The following PADI2 variants were observed in gnomAD, a reference collection of about 807,000 sequenced individuals.
PADI2 encodes protein-arginine deiminase type-2.
In PADI2, 70 loss-of-function variants were observed where a neutral mutation model predicts 81.1. The ratio of observed to expected loss-of-function variants is 0.86; its 90% confidence interval spans 0.71 to 1.05. The LOEUF is 1.05. Among genes scored for constraint, PADI2 ranks in the 50% least tolerant of loss-of-function variants. The probability of loss-of-function intolerance (pLI) is 0.00; values close to 1 mark genes in which losing one functional copy is unlikely to be tolerated. For synonymous variants in PADI2, 338 were observed against 358.0 expected (o/e 0.94, Z 0.63); for missense variants, 853 against 889.9 (o/e 0.96, Z 0.53).
intron 8 of PADI2, 110 bp downstream of exon 8, chr1:17,084,489 C>T: frequency 3.2e-6 from 2 of 631,488 alleles, no homozygotes; most frequent in Non-Finnish European, 5.6e-6. Flanking sequence ...GAGAGTTGCT[C>T]AAGGTAACAC....
At chr1:17,093,372 G>A (rs1389647307) in intron 5 of PADI2, among the ~76,000 whole-genome samples, 195 bp downstream of exon 5, 2 of 152,170 alleles carry the variant, frequency 1.3e-5, no homozygotes, top group Non-Finnish European at 2.9e-5. Flanking sequence ...AGGATTACAG[G>A]TGTGAGCCAC....
At chr1:17,078,390 C>A (rs1002920639) in intron 11 of PADI2, among the ~76,000 whole-genome samples, 5 of 151,922 alleles carry the variant, frequency 3.3e-5, no homozygotes, top group African/African-American at 1.2e-4. Context: ...GGATTACAGG[C>A]GTGAGCCACC....
intron 3 of PADI2, among the ~76,000 whole-genome samples, chr1:17,098,151 C>T (rs1425624174): frequency 1.3e-5 from 2 of 152,186 alleles, no homozygotes; most frequent in East Asian, 1.9e-4. Context: ...CTCCGGCTGC[C>T]TGCTCTCTGC....
intron 11 of PADI2, among the ~76,000 whole-genome samples, chr1:17,077,112 A>T (rs2078309605): frequency 6.6e-6 from 1 of 151,854 alleles, no homozygotes; most frequent in Non-Finnish European, 1.5e-5. Context: ...CGCTTCCTTT[A>T]CAATCTCCTG....
At chr1:17,072,519 G>A (rs1328716130) in intron 13 of PADI2, among the ~76,000 whole-genome samples, 2 of 152,276 alleles carry the variant, frequency 1.3e-5, no homozygotes, top group East Asian at 3.9e-4. Context: ...CTGGTCCAGC[G>A]GAGATCTTGG....
chr1:17,118,169 G>T (rs1259690868), intron 1 of PADI2, among the ~76,000 whole-genome samples: 3 of 152,130 alleles, frequency 2.0e-5, no homozygotes, highest in Middle Eastern at 3.2e-3. Flanking sequence ...GAGGCAGGGT[G>T]CTCCAGGTGT....
chr1:17,104,868 G>A lies in PADI2; in HGVS notation c.276+10C>T, dbSNP rs201023880. ...CGGGCCCGCAGAGGCTGGACTTCCC[G>A]CCGTGGTACCTTGTCACTGCTGGCC... is the stretch of plus-strand genomic sequence containing the variant. On this transcript the variant is annotated intron_variant, in intron 2 of 15. Coordinates refer to ENST00000375486, the MANE Select transcript of PADI2 (RefSeq NM_007365.3). 4.8e-5 allele frequency: 75 copies of A among 1,556,292 alleles called. No individual in the cohort carries two copies. The highest frequency in any genetic ancestry group is 2.5e-4 in the East Asian group (11 of 43,478).
chr1:17,097,351 A>G (rs1373960582), intron 3 of PADI2, among the ~76,000 whole-genome samples: 2 of 152,192 alleles, frequency 1.3e-5, no homozygotes, highest in Admixed American at 1.3e-4. Flanking sequence ...CCCTTTGCCT[A>G]TAGCCTGCAT....
At chr1:17,076,300 T>C (rs7530720) in intron 11 of PADI2, among the ~76,000 whole-genome samples, 90,879 of 151,522 alleles carry the variant, frequency 0.6, 27,654 homozygotes, top group Middle Eastern at 0.7. Context: ...CTGCAACCTC[T>C]GCCTCCCGGG....
At chr1:17,086,400 C>T (rs1930427009) in intron 7 of PADI2, 121 bp downstream of exon 7, 2 of 801,922 alleles carry the variant, frequency 2.5e-6, no homozygotes, top group Admixed American at 2.9e-5. Flanking sequence ...GTCTCCTAGC[C>T]TGGACCCACC....
chr1:17,119,339 G>C lies in PADI2; in HGVS notation c.33C>G (p.Tyr11Ter), dbSNP rs1569611471. 3 of 1,552,658 alleles carry C rather than the reference G, an allele frequency of 1.9e-6. No individual in the cohort carries two copies. Among genetic ancestry groups the C allele is most frequent in the Non-Finnish European group, 2.6e-6 (3 of 1,149,574 alleles). Residue 11 changes from tyrosine to a stop codon, truncating the protein, a stop_gained, in exon 1 of 16, where the codon TAC (tyrosine) becomes TAG (stop). Coordinates refer to ENST00000375486, the MANE Select transcript of PADI2 (RefSeq NM_007365.3). LOFTEE classifies it high-confidence loss of function. This position sits in a 1 kb window ranked among gnomAD's most constrained non-coding sequence, Gnocchi z 4.8. Reference protein sequence around the residue: MLRERTVRLQYGSRVEAVYVL... With the variant: MLRERTVRLQ The stretch of plus-strand genomic sequence containing the variant: ...CGTACACCGCCTCCACGCGGCTCCC[G>C]TACTGCAGCCGCACGGTCCGCTCGC...
chr1:17,099,826 A>T (rs1931077637), intron 3 of PADI2, among the ~76,000 whole-genome samples: 2 of 151,530 alleles, frequency 1.3e-5, no homozygotes, highest in African/African-American at 2.4e-5. Flanking sequence ...TGCTCTGTGA[A>T]GCGCATTTTA....
chr1:17,069,949 C>A, intron 15 of PADI2, 139 bp downstream of exon 15: 1 of 928,128 alleles, frequency 1.1e-6, no homozygotes, highest in Non-Finnish European at 1.6e-6. Flanking sequence ...AGGGCAAGTG[C>A]CTGAGGTGAG....
chr1:17,082,871 C>T (rs993271134), intron 9 of PADI2: 7 of 461,396 alleles, frequency 1.5e-5, no homozygotes, highest in African/African-American at 1.3e-4. Context: ...CCGATATCAG[C>T]CCCATTTTTT....
chr1:17,069,196 T>G lies in PADI2; in HGVS notation c.1846A>C (p.Met616Leu). Reference sequence around the variant, plus strand: ...GGCTCCAGGAGGCCACGCACGTGCATCTCCAGGCAGCATTCCTCCTCAACC... The same window carrying G: ...GGCTCCAGGAGGCCACGCACGTGCAGCTCCAGGCAGCATTCCTCCTCAACC... ...PQVEEECCLEMHVRGLLEPLG... is the reference protein window; with the variant it reads ...PQVEEECCLELHVRGLLEPLG... Residue 616 changes from methionine to leucine, a missense_variant, in exon 16 of 16, where the codon ATG becomes CTG. Met to Leu is a conservative substitution (Grantham distance 15). Coordinates refer to ENST00000375486, the MANE Select transcript of PADI2 (RefSeq NM_007365.3). 6.2e-7 allele frequency: 1 copy of G among 1,614,210 alleles called. No homozygotes were observed. Among genetic ancestry groups the G allele is most frequent in the Non-Finnish European group, 8.5e-7 (1 of 1,180,034 alleles).
intron 7 of PADI2, 30 bp downstream of exon 7, chr1:17,086,491 C>A (rs754933233): frequency 1.3e-6 from 2 of 1,589,258 alleles, no homozygotes; most frequent in Non-Finnish European, 1.7e-6. Context: ...CTGGGGTTAG[C>A]CCCCTGTGGT....
intron 2 of PADI2, 146 bp downstream of exon 2, chr1:17,104,732 C>G (rs1931295703): frequency 1.6e-6 from 1 of 641,582 alleles, no homozygotes; most frequent in South Asian, 3.7e-5. Flanking sequence ...TGCGCCCGGC[C>G]TCTTTTTGCC....
chr1:17,082,552 T>C lies in PADI2; in HGVS notation c.1151A>G (p.Glu384Gly). 2.5e-6 allele frequency: 4 copies of C among 1,603,298 alleles called. No homozygotes were observed. The highest frequency in any genetic ancestry group is 3.4e-6 in the Non-Finnish European group (4 of 1,170,382). Residue 384 changes from glutamate to glycine, a missense_variant, in exon 10 of 16, where the codon GAG becomes GGG. Coordinates refer to ENST00000375486, the MANE Select transcript of PADI2 (RefSeq NM_007365.3). ...DGNLKDFPVK[E>G]LLGPDFGYVT... ...TGGCCCTCAGCATCTTACCAGGAGC[T>C]CCTTCACAGGGAAGTCCTTTAGGTT...
At chr1:17,079,156 A>T in intron 11 of PADI2, 108 bp downstream of exon 11, 1 of 905,370 alleles carries the variant, frequency 1.1e-6, no homozygotes, top group Non-Finnish European at 1.7e-6. Flanking sequence ...GGGAGGGAAT[A>T]ATTCCCCCAG....
Sources: allele counts gnomAD v4.1 joint callset (sites outside exome capture counted in the v4.1 genomes callset), GRCh38; gene constraint gnomAD v4.1.1; non-coding constraint Gnocchi (gnomAD v3.1); transcripts MANE v1.5; gene names NCBI Gene and HGNC (gene_info 2026-07-23, HGNC 2026-07-21).